The following HCN1 variants were observed in gnomAD, a reference collection of about 807,000 sequenced individuals.
HCN1 encodes the protein hyperpolarization activated cyclic nucleotide gated potassium channel 1, also known as potassium/sodium hyperpolarization-activated cyclic nucleotide-gated channel 1.
A neutral mutation model predicts 78.9 loss-of-function variants in HCN1; 13 were observed. The observed-to-expected ratio is 0.16, with a 90% CI of 0.11 to 0.26. The LOEUF (loss-of-function observed/expected upper bound fraction) is 0.26, where lower values mean the gene tolerates loss of function less well. HCN1 is among the 10% of genes least tolerant of loss of function. The pLI, the probability that HCN1 is intolerant of heterozygous loss-of-function variation, is 1.00. For synonymous variants in HCN1, 552 were observed against 455.5 expected (o/e 1.21, Z -2.70); for missense variants, 810 against 1,154.3 (o/e 0.70, Z 4.32).
chr5:45,349,998 G>A (rs945849084), intron 5 of HCN1, among the ~76,000 whole-genome samples: 7 of 152,146 alleles, frequency 4.6e-5, no homozygotes, highest in Non-Finnish European at 8.8e-5. Context: ...AATAGAAAAA[G>A]AGGGAATCCT....
intron 2 of HCN1, among the ~76,000 whole-genome samples, chr5:45,597,789 A>T (rs1744530912): frequency 1.3e-5 from 2 of 152,014 alleles, no homozygotes; most frequent in Admixed American, 6.6e-5. Flanking sequence ...CAGACAGCCA[A>T]ATCATGAGTG....
chr5:45,339,475 T>C (rs927193472), intron 5 of HCN1, among the ~76,000 whole-genome samples: 2 of 152,108 alleles, frequency 1.3e-5, no homozygotes, highest in East Asian at 1.9e-4. Context: ...TAATACTCTA[T>C]AGATGAAGCA....
intron 2 of HCN1, among the ~76,000 whole-genome samples, chr5:45,615,175 C>A (rs1467565163): frequency 6.6e-6 from 1 of 151,920 alleles, no homozygotes. Context: ...TATTTATTCA[C>A]ATAAAACAAT....
chr5:45,292,825 C>A (rs1386551990), intron 6 of HCN1, among the ~76,000 whole-genome samples: 1 of 151,982 alleles, frequency 6.6e-6, no homozygotes, highest in Non-Finnish European at 1.5e-5. Context: ...TTCTACCCAT[C>A]TACTCATTCT....
intron 5 of HCN1, among the ~76,000 whole-genome samples, chr5:45,315,435 A>T (rs1745964368): frequency 6.6e-6 from 1 of 152,236 alleles, no homozygotes; most frequent in Non-Finnish European, 1.5e-5. Context: ...GGAAATTTAT[A>T]GCACTAAATG....
At chr5:45,523,550 T>C (rs1257359458) in intron 2 of HCN1, among the ~76,000 whole-genome samples, 1 of 152,194 alleles carries the variant, frequency 6.6e-6, no homozygotes, top group Non-Finnish European at 1.5e-5. Flanking sequence ...ATGATTGCCA[T>C]TCTAACTGGT....
At chr5:45,581,934 C>T (rs1315626715) in intron 2 of HCN1, among the ~76,000 whole-genome samples, 2 of 152,018 alleles carry the variant, frequency 1.3e-5, no homozygotes, top group African/African-American at 2.4e-5. Context: ...CCTTGTAGTA[C>T]AGTTTGAAGT....
intron 1 of HCN1, among the ~76,000 whole-genome samples, chr5:45,673,459 T>C (rs1441934277): frequency 1.3e-5 from 2 of 151,572 alleles, no homozygotes; most frequent in South Asian, 4.1e-4. Context: ...ATTTATTTAT[T>C]GATTCAATAC....
At chr5:45,434,320 T>A (rs1740521810) in intron 3 of HCN1, among the ~76,000 whole-genome samples, 1 of 152,224 alleles carries the variant, frequency 6.6e-6, no homozygotes, top group Non-Finnish European at 1.5e-5. Flanking sequence ...TGGTCTGTCC[T>A]TTAGGACATC....
chr5:45,290,538 T>C (rs57397087), intron 6 of HCN1, among the ~76,000 whole-genome samples: 2,779 of 152,132 alleles, frequency 0.018, 93 homozygotes, highest in African/African-American at 0.064. Flanking sequence ...GAAAACAAAA[T>C]AAATAAGACA....
chr5:45,646,952 T>C lies in HCN1; in HGVS notation c.426-1344A>G, dbSNP rs111366875. Among the ~76,000 whole-genome samples, 4 of 152,314 alleles carry C rather than the reference T, an allele frequency of 2.6e-5. 1 individual carries two copies. The highest frequency in any genetic ancestry group is 9.6e-5 in the African/African-American group (4 of 41,578). ...CCAAGATATTTTTGTTTTACATGAA[T>C]ACTCCTACTTAGACTATTTGAGCTA... On this transcript the variant is annotated intron_variant, in intron 1 of 7. Transcript: ENST00000303230.
At chr5:45,522,616 GTTTT>G (rs1742638441) in intron 2 of HCN1, among the ~76,000 whole-genome samples, 1 of 98,924 alleles carries the variant, frequency 1.0e-5, no homozygotes, top group East Asian at 2.7e-4. Context: ...TTTTTTTTTT[GTTTT>G]GTTTTGTTTT....
Position 45,412,987 on chromosome 5 carries a change from G to C in HCN1, c.1012-16277C>G, listed in dbSNP as rs538094781. ...TTTTGAACATTCTTGGCTTGCCTTT[G>C]CCACCTATTGAAAATGCAGTGTCTG... is the stretch of plus-strand genomic sequence containing the variant. On this transcript the variant is annotated intron_variant, in intron 3 of 7. Transcript: ENST00000303230. Among the ~76,000 whole-genome samples, 6 of 152,146 alleles carry C rather than the reference G, an allele frequency of 3.9e-5. No homozygotes were observed. In the South Asian group the frequency reaches 1.2e-3, roughly 32 times the overall value.
chr5:45,657,524 T>A (rs1358321241), intron 1 of HCN1, among the ~76,000 whole-genome samples: 1 of 152,210 alleles, frequency 6.6e-6, no homozygotes, highest in Admixed American at 6.5e-5. Context: ...ATTTTTAAAT[T>A]ATTTATAAAT....
chr5:45,678,903 G>T (rs1324259753), intron 1 of HCN1, among the ~76,000 whole-genome samples: 1 of 151,818 alleles, frequency 6.6e-6, no homozygotes, highest in Non-Finnish European at 1.5e-5. Flanking sequence ...TAACACATAG[G>T]ATCTAATCCA....
intron 2 of HCN1, among the ~76,000 whole-genome samples, chr5:45,518,893 G>A (rs1742565783): frequency 6.6e-6 from 1 of 151,822 alleles, no homozygotes; most frequent in Non-Finnish European, 1.5e-5. Flanking sequence ...CTTTAAAAAT[G>A]CCTTCATATA....
At chr5:45,317,023 C>G (rs971874684) in intron 5 of HCN1, among the ~76,000 whole-genome samples, 3 of 152,116 alleles carry the variant, frequency 2.0e-5, no homozygotes, top group Non-Finnish European at 4.4e-5. Context: ...CCATCCCCAT[C>G]AAGCTACCAA....
At chr5:45,550,980 T>C (rs1410346668) in intron 2 of HCN1, among the ~76,000 whole-genome samples, 2 of 151,994 alleles carry the variant, frequency 1.3e-5, no homozygotes, top group African/African-American at 4.8e-5. Flanking sequence ...AAACCGATCA[T>C]ACTATTTTTG....
chr5:45,457,216 A>G (rs188819561), intron 3 of HCN1, among the ~76,000 whole-genome samples: 14 of 152,160 alleles, frequency 9.2e-5, no homozygotes, highest in Admixed American at 6.6e-4. Context: ...CCGATATTTG[A>G]GATTCAGTTC....
Sources: allele counts gnomAD v4.1 joint callset (sites outside exome capture counted in the v4.1 genomes callset), GRCh38; gene constraint gnomAD v4.1.1; transcripts MANE v1.5; gene names NCBI Gene and HGNC (gene_info 2026-07-23, HGNC 2026-07-21).